The following PATJ variants were observed in gnomAD, a reference collection of about 807,000 sequenced individuals.
PATJ encodes PATJ crumbs cell polarity complex component.
In PATJ, 190 loss-of-function variants were observed where a neutral mutation model predicts 224.9. That is an observed-to-expected ratio of 0.84 (90% CI 0.75 to 0.95). The LOEUF (loss-of-function observed/expected upper bound fraction) is 0.95, where lower values mean the gene tolerates loss of function less well. Ranked by LOEUF, PATJ falls within the 40% of genes least tolerant of loss-of-function variation. PATJ has a pLI of 0.00. For missense variants in PATJ, 2,121 were observed against 2,270.3 expected (o/e 0.93, Z 1.34); for synonymous variants, 769 against 820.3 (o/e 0.94, Z 1.07).
chr1:62,144,771 A>ATATATATATATATATATATATATATATAT lies in PATJ; in HGVS notation c.5272-3513_5272-3512insTATATATATATATATATATATATATATAT, dbSNP rs1439255158. ...ATGCTCTAGAATGTTATTTGCAAAA[A>ATATATATATATATATATATATATATATAT]AAAAAAATATATATATATATATATA... On this transcript the variant is annotated intron_variant, in intron 41 of 43. Transcript: ENST00000642238. 3.2e-3 allele frequency among the ~76,000 whole-genome samples: 236 copies of ATATATATATATATATATATATATATATAT among 73,048 alleles called. 12 individuals are homozygous for ATATATATATATATATATATATATATATAT. The highest frequency in any genetic ancestry group is 8.4e-3 in the East Asian group (20 of 2,394). 47.9% of individuals were successfully genotyped at this position (73,048 alleles called of 152,430 possible).
chr1:61,762,668 G>T (rs902208825), intron 1 of PATJ, among the ~76,000 whole-genome samples, 190 bp from the exon 2 acceptor site: 1 of 152,136 alleles, frequency 6.6e-6, no homozygotes, highest in Admixed American at 6.6e-5. Context: ...TTGAAACTTA[G>T]TGTTGTCTGT....
intron 27 of PATJ, among the ~76,000 whole-genome samples, chr1:61,934,815 C>T (rs10889271): frequency 0.4 from 61,403 of 151,958 alleles, 13,577 homozygotes; most frequent in East Asian, 0.8. Context: ...GTATATGCCT[C>T]GGATAGTCAA....
chr1:62,087,382 G>T (rs1660143687), intron 33 of PATJ, among the ~76,000 whole-genome samples: 1 of 151,990 alleles, frequency 6.6e-6, no homozygotes. Context: ...ATAGGATGGG[G>T]GGCGGGGCGG....
Position 61,771,719 on chromosome 1 carries a change from CTTT to C in PATJ, c.720+94_720+96del. ...ATTTAGAAGGTGTCATTTTACCTTT[CTTT>C]CCTTTTTTTTTTTTGAGATGGAGTT... is the stretch of plus-strand genomic sequence containing the variant. On this transcript the variant is annotated intron_variant, in intron 6 of 43. Transcript: ENST00000642238. The C allele has an allele frequency of 1.8e-5, 17 of 938,476 alleles. No homozygotes were observed. In the African/African-American group the frequency reaches 2.5e-4, roughly 14 times the overall value. 58.1% of individuals were successfully genotyped at this position (938,476 alleles called of 1,614,324 possible). A position where few individuals can be genotyped will look rare whatever the true frequency, so the allele number is the denominator to read the frequency against.
chr1:62,108,285 A>G, intron 33 of PATJ, 152 bp from the exon 34 acceptor site: 1 of 474,404 alleles, frequency 2.1e-6, no homozygotes, highest in East Asian at 3.3e-5. Flanking sequence ...TATACCTCTG[A>G]ATATATCATA....
At chr1:61,935,131 G>T (rs114168966) in intron 27 of PATJ, among the ~76,000 whole-genome samples, 1,875 of 152,268 alleles carry the variant, frequency 0.012, 30 homozygotes, top group South Asian at 0.063. Context: ...GGAGCAGAAG[G>T]CTTTGGAATG....
rs74079614 is a variant in PATJ, at chr1:62,018,715, T to C, written c.3959+768T>C. 0.01 allele frequency among the ~76,000 whole-genome samples: 1,597 copies of C among 152,304 alleles called. 33 individuals are homozygous for C. The highest frequency in any genetic ancestry group is 0.036 in the African/African-American group (1,512 of 41,560). On this transcript the variant is annotated intron_variant, in intron 29 of 43. Transcript: ENST00000642238. The surrounding 1 kb of genome is among the most constrained non-coding windows in gnomAD (Gnocchi z 4.2). ...AGCATCTCCCTCATTCATTGTGATA[T>C]TTCAGAAATTGAAAATGCTCAATAC...
chr1:62,148,233 T>A, intron 41 of PATJ, 51 bp from the exon 42 acceptor site: 1 of 1,268,084 alleles, frequency 7.9e-7, no homozygotes, highest in South Asian at 1.2e-5. Context: ...ATGGTTTCTC[T>A]AATTCTCCCC....
chr1:61,990,168 A>G lies in PATJ; in HGVS notation c.3671A>G (p.Gln1224Arg), dbSNP rs1344110944. 1 of 1,589,432 alleles carries G rather than the reference A, an allele frequency of 6.3e-7. No homozygotes were observed. The highest frequency in any genetic ancestry group is 8.5e-7 in the Non-Finnish European group (1 of 1,172,026). Reference protein sequence around the residue: ...ENEEEDAFTDQKIRQRYADLP... With the variant: ...ENEEEDAFTDRKIRQRYADLP... ...AATTTTAAAAAAATTCTTTTAATAG[A>G]AAAAATCAGACAAAGATATGCAGAT... Residue 1224 changes from glutamine to arginine, a missense_variant and splice_region_variant, in exon 28 of 44, where the codon CAA becomes CGA. Physicochemically the swap from Gln to Arg is conservative, Grantham distance 43 (BLOSUM62 1). Transcript: ENST00000642238.
chr1:61,924,102 A>T (rs1216797443), intron 26 of PATJ, among the ~76,000 whole-genome samples: 1 of 149,346 alleles, frequency 6.7e-6, no homozygotes, highest in African/African-American at 2.5e-5. Context: ...CAGGCACAAT[A>T]GCTCATGCCT....
chr1:61,992,060 C>G (rs924659083), intron 28 of PATJ, among the ~76,000 whole-genome samples: 6 of 151,712 alleles, frequency 4.0e-5, no homozygotes, highest in Admixed American at 1.3e-4. Flanking sequence ...CTCAGGCTTG[C>G]CAGACTCCAA....
chr1:61,789,364 C>G (rs1280983824), intron 8 of PATJ, among the ~76,000 whole-genome samples: 1 of 151,088 alleles, frequency 6.6e-6, no homozygotes, highest in Non-Finnish European at 1.5e-5. Context: ...GAAACAAAAA[C>G]AAAAGGAAAG....
chr1:61,771,340 T>C (rs878901139), intron 5 of PATJ, 91 bp from the exon 6 acceptor site: 1 of 656,922 alleles, frequency 1.5e-6, no homozygotes, highest in South Asian at 2.4e-5. Context: ...AGTAAAGTAG[T>C]ACCATAGGCA....
At chr1:62,072,138 A>G (rs534649345) in intron 31 of PATJ, among the ~76,000 whole-genome samples, 139 of 152,046 alleles carry the variant, frequency 9.1e-4, no homozygotes, top group African/African-American at 3.3e-3. Flanking sequence ...TGGTGTTATT[A>G]TTTATTTCAG....
At chr1:62,073,113 T>C in intron 31 of PATJ, 1 of 985,370 alleles carries the variant, frequency 1.0e-6, no homozygotes, top group Non-Finnish European at 1.2e-6. Flanking sequence ...ACTTGTACTT[T>C]AGGTTTTGCT....
chr1:62,035,951 G>A (rs559310836), intron 29 of PATJ, among the ~76,000 whole-genome samples: 3 of 152,148 alleles, frequency 2.0e-5, no homozygotes, highest in East Asian at 3.9e-4. Context: ...AGAAGAGAGT[G>A]GGGTAAGAGA....
intron 20 of PATJ, among the ~76,000 whole-genome samples, chr1:61,874,139 G>T (rs1667034746): frequency 6.6e-6 from 1 of 151,700 alleles, no homozygotes; most frequent in African/African-American, 2.4e-5. Context: ...GTCCTCACAG[G>T]GTGGAAGAGT....
At chr1:62,121,783 A>AG (rs1665087386) in intron 38 of PATJ, among the ~76,000 whole-genome samples, 3 of 74,182 alleles carry the variant, frequency 4.0e-5, no homozygotes, top group East Asian at 6.7e-4. Flanking sequence ...CCAGAAAAAA[A>AG]AAAAGAAATT....
At chr1:62,064,028 C>T (rs1655985357) in intron 31 of PATJ, among the ~76,000 whole-genome samples, 1 of 152,130 alleles carries the variant, frequency 6.6e-6, no homozygotes, top group African/African-American at 2.4e-5. Flanking sequence ...CTAGCACTTC[C>T]AGTACTATGT....
Sources: gnomAD v4.1 joint callset for allele counts (sites outside exome capture counted in the v4.1 genomes callset) on GRCh38, gnomAD v4.1.1 for gene constraint, Gnocchi (gnomAD v3.1) non-coding constraint, MANE v1.5 for transcripts, NCBI Gene and HGNC (gene_info 2026-07-23, HGNC 2026-07-21) for gene names.